The following HCN1 variants were observed in gnomAD, a reference collection of about 807,000 sequenced individuals.
HCN1 encodes the protein hyperpolarization activated cyclic nucleotide gated potassium channel 1.
Under a neutral mutation model 78.9 loss-of-function variants are expected in HCN1, and 13 were observed. The observed-to-expected ratio is 0.16, with a 90% CI of 0.11 to 0.26. HCN1 has a LOEUF of 0.26. Ranked by LOEUF, HCN1 falls within the 10% of genes least tolerant of loss-of-function variation. The probability of loss-of-function intolerance (pLI) is 1.00; values close to 1 mark genes in which losing one functional copy is unlikely to be tolerated. For synonymous variants in HCN1, 552 were observed against 455.5 expected (o/e 1.21, Z -2.70); for missense variants, 810 against 1,154.3 (o/e 0.70, Z 4.32).
Position 45,527,094 on chromosome 5 carries a change from A to G in HCN1, c.850-65087T>C, listed in dbSNP as rs1009439798. 2.2e-5 allele frequency among the ~76,000 whole-genome samples: 3 copies of G among 134,226 alleles called. 1 individual carries two copies. Among genetic ancestry groups the G allele is most frequent in the Non-Finnish European group, 4.9e-5 (3 of 61,722 alleles). The allele number at this position is 134,226 out of a possible 152,430, so 88.1% of individuals were successfully genotyped here. On this transcript the variant is annotated intron_variant, in intron 2 of 7. Transcript: ENST00000303230. ...CTCTCTGTCTCTCTCACACACACTGACATTCACATCCTTTCCTACACAGAC... is the reference window on the plus strand; with the variant it reads ...CTCTCTGTCTCTCTCACACACACTGGCATTCACATCCTTTCCTACACAGAC...
At chr5:45,417,133 C>A (rs1437092557) in intron 3 of HCN1, among the ~76,000 whole-genome samples, 1 of 151,876 alleles carries the variant, frequency 6.6e-6, no homozygotes, top group Admixed American at 6.6e-5. Flanking sequence ...CAGTGCCAGG[C>A]ATGTAGTGTG....
At chr5:45,606,545 T>C (rs1303639324) in intron 2 of HCN1, among the ~76,000 whole-genome samples, 1 of 151,798 alleles carries the variant, frequency 6.6e-6, no homozygotes, top group Admixed American at 6.6e-5. Flanking sequence ...AGGTGGAAAG[T>C]TGGATCAAAG....
rs368363659 is a variant in HCN1, at chr5:45,573,991, A to G, written c.849+71194T>C. 3.3e-5 allele frequency among the ~76,000 whole-genome samples: 5 copies of G among 152,178 alleles called. No individual in the cohort carries two copies. In the East Asian group the frequency reaches 7.7e-4, roughly 23 times the overall value. On this transcript the variant is annotated intron_variant, in intron 2 of 7. Coordinates refer to ENST00000303230, the MANE Select transcript of HCN1 (RefSeq NM_021072.4). ...AAGATAAGTAGATTCCCAATAGCAT[A>G]TACAAAATAAAACTTGCTTACAACT...
intron 6 of HCN1, among the ~76,000 whole-genome samples, chr5:45,286,321 A>G (rs914883881): frequency 2.2e-4 from 33 of 152,034 alleles, no homozygotes; most frequent in African/African-American, 7.7e-4. Flanking sequence ...AAATGATTTC[A>G]GTATTTAAGA....
chr5:45,519,211 G>A (rs892687065), intron 2 of HCN1, among the ~76,000 whole-genome samples: 4 of 151,952 alleles, frequency 2.6e-5, no homozygotes, highest in Admixed American at 6.6e-5. Flanking sequence ...GAGAATCTGA[G>A]TTTTCTCCTC....
intron 4 of HCN1, among the ~76,000 whole-genome samples, chr5:45,377,812 T>C (rs1314825697): frequency 6.6e-6 from 1 of 151,866 alleles, no homozygotes; most frequent in Non-Finnish European, 1.5e-5. Context: ...CTACAGCTAG[T>C]GGAAGAAAGC....
chr5:45,322,109 G>A (rs892959248), intron 5 of HCN1, among the ~76,000 whole-genome samples: 1 of 151,832 alleles, frequency 6.6e-6, no homozygotes, highest in Non-Finnish European at 1.5e-5. Flanking sequence ...TAATAATTCC[G>A]TGACATAGTC....
chr5:45,582,231 C>T (rs1419589498), intron 2 of HCN1, among the ~76,000 whole-genome samples: 7 of 152,028 alleles, frequency 4.6e-5, no homozygotes, highest in Non-Finnish European at 4.4e-5. Context: ...TGAAGAGGTC[C>T]TTCACTCCCT....
At chr5:45,372,233 T>TA (rs1747409707) in intron 4 of HCN1, among the ~76,000 whole-genome samples, 1 of 72,364 alleles carries the variant, frequency 1.4e-5, no homozygotes, top group Non-Finnish European at 2.3e-5. Context: ...ATATAATATA[T>TA]ATTATATTTT....
At chr5:45,452,685 T>G (rs944606414) in intron 3 of HCN1, among the ~76,000 whole-genome samples, 2 of 152,104 alleles carry the variant, frequency 1.3e-5, no homozygotes, top group African/African-American at 4.8e-5. Context: ...CTATTCTATA[T>G]TTTAAGATCT....
intron 4 of HCN1, among the ~76,000 whole-genome samples, chr5:45,366,974 C>G (rs1747251069): frequency 6.6e-6 from 1 of 151,698 alleles, no homozygotes; most frequent in African/African-American, 2.4e-5. Flanking sequence ...ATCTATGTTT[C>G]AGATCCAAGT....
chr5:45,500,134 T>A (rs1742158245), intron 2 of HCN1, among the ~76,000 whole-genome samples: 1 of 152,140 alleles, frequency 6.6e-6, no homozygotes, highest in Admixed American at 6.5e-5. Context: ...ACAATATAGA[T>A]GCCATGACTG....
chr5:45,469,557 TCTGAAGATTATTTGATGTTTA>T lies in HCN1; in HGVS notation c.850-7571_850-7551del, dbSNP rs1387732629. 4.6e-5 allele frequency among the ~76,000 whole-genome samples: 7 copies of T among 152,100 alleles called. No homozygotes were observed. In the South Asian group the frequency reaches 1.4e-3, roughly 32 times the overall value. On this transcript the variant is annotated intron_variant, in intron 2 of 7. Coordinates refer to ENST00000303230, the MANE Select transcript of HCN1 (RefSeq NM_021072.4). Reference sequence around the variant, plus strand: ...TTGAACCTCATTTTAATGATGTTTGTCTGAAGATTATTTGATGTTTACTATACACACTTAATTTCCAGATGT... The same window carrying T: ...TTGAACCTCATTTTAATGATGTTTGTCTATACACACTTAATTTCCAGATGT...
At chr5:45,647,322 G>A (rs1400360241) in intron 1 of HCN1, among the ~76,000 whole-genome samples, 1 of 152,096 alleles carries the variant, frequency 6.6e-6, no homozygotes, top group African/African-American at 2.4e-5. Flanking sequence ...GAGATGTAGA[G>A]GAGGAGCAAT....
intron 3 of HCN1, among the ~76,000 whole-genome samples, chr5:45,455,498 A>C (rs1484899935): frequency 6.6e-6 from 1 of 152,024 alleles, no homozygotes; most frequent in Non-Finnish European, 1.5e-5. Context: ...TAGTGCCTAG[A>C]ATAATGTCTG....
chr5:45,497,617 C>G (rs1473339146), intron 2 of HCN1, among the ~76,000 whole-genome samples: 2 of 152,110 alleles, frequency 1.3e-5, no homozygotes, highest in African/African-American at 2.4e-5. Flanking sequence ...AGATGGGTTT[C>G]CTGAATACAG....
intron 6 of HCN1, among the ~76,000 whole-genome samples, chr5:45,282,425 G>A (rs1055295710): frequency 4.6e-5 from 7 of 152,120 alleles, no homozygotes; most frequent in Non-Finnish European, 7.4e-5. Context: ...AAGAAAGTTT[G>A]GGTCATAAAA....
chr5:45,669,849 A>G (rs948866975), intron 1 of HCN1, among the ~76,000 whole-genome samples: 19 of 151,822 alleles, frequency 1.3e-4, no homozygotes, highest in African/African-American at 4.3e-4. Flanking sequence ...GGGGCTGTTA[A>G]CAAATGAAAG....
chr5:45,374,271 ATT>A (rs1747544157), intron 4 of HCN1, among the ~76,000 whole-genome samples: 2 of 99,610 alleles, frequency 2.0e-5, no homozygotes, highest in Non-Finnish European at 3.6e-5. Flanking sequence ...TAACATATAT[ATT>A]ATATACATTA....
Sources: allele counts gnomAD v4.1 joint callset (sites outside exome capture counted in the v4.1 genomes callset), GRCh38; gene constraint gnomAD v4.1.1; transcripts MANE v1.5; gene names NCBI Gene and HGNC (gene_info 2026-07-23, HGNC 2026-07-21).